Variants in CASZ1 observed in about 807,000 individuals in gnomAD.
CASZ1 encodes zinc finger protein castor homolog 1.
A neutral mutation model predicts 135.2 loss-of-function variants in CASZ1; 28 were observed. The ratio of observed to expected loss-of-function variants is 0.21; its 90% confidence interval spans 0.15 to 0.28. The LOEUF is 0.28. Ranked by LOEUF, CASZ1 falls within the 10% of genes least tolerant of loss-of-function variation. The probability of loss-of-function intolerance (pLI) is 1.00; values close to 1 mark genes in which losing one functional copy is unlikely to be tolerated. For synonymous variants in CASZ1, 1,068 were observed against 1,073.4 expected (o/e 0.99, Z 0.10); for missense variants, 2,161 against 2,453.3 (o/e 0.88, Z 2.52).
At position 10,654,532 on chromosome 1, in the gene CASZ1, G is replaced by A. The variant is rs1184731208; in HGVS notation, c.1725C>T (p.His575=). The A allele has an allele frequency of 6.2e-7, 1 of 1,614,146 alleles. No individual in the cohort carries two copies. Among genetic ancestry groups the A allele is most frequent in the African/African-American group, 1.3e-5 (1 of 74,940 alleles). ...CGTTAATGAGCTGGGTATTCTTCTT[G>A]TGGAAGTTCTCGTGGGTCATCACGT... ...TSDVMTHENF[H]KKNTQLINDG... The change falls in exon 10 of 21, where the codon CAC becomes CAT. Residue 575 remains histidine (H), a synonymous_variant. Coordinates refer to ENST00000377022, the MANE Select transcript of CASZ1 (RefSeq NM_001079843.3).
intron 1 of CASZ1, among the ~76,000 whole-genome samples, chr1:10,782,263 G>A (rs546690299): frequency 6.6e-6 from 1 of 152,332 alleles, no homozygotes; most frequent in East Asian, 1.9e-4. Flanking sequence ...GGGGCCATTG[G>A]CGAGAGGGCC....
In CASZ1 at chr1:10,717,660, GCAGGGGACA is replaced by G. The variant is rs934757957; in HGVS notation, c.-76-12125_-76-12117del. On this transcript the variant is annotated intron_variant, in intron 2 of 20. Transcript: ENST00000377022. The surrounding 1 kb of genome is among the most constrained non-coding windows in gnomAD (Gnocchi z 4.6). The stretch of plus-strand genomic sequence containing the variant: ...TGAGGACATGGATGGGGGGCAGGGG[GCAGGGGACA>G]GGGGCGGAGGTAGAAAACCCTTGCC... Among the ~76,000 whole-genome samples, 31 of 152,112 alleles carry G rather than the reference GCAGGGGACA, an allele frequency of 2.0e-4. No homozygotes were observed. Among genetic ancestry groups the G allele is most frequent in the African/African-American group, 6.8e-4 (28 of 41,408 alleles).
chr1:10,659,126 A>T (rs1642907820), intron 6 of CASZ1, among the ~76,000 whole-genome samples: 1 of 152,110 alleles, frequency 6.6e-6, no homozygotes, highest in Non-Finnish European at 1.5e-5. Context: ...TTCAGGCTGT[A>T]AGGGTGTATG....
chr1:10,683,120 C>T (rs543678), intron 4 of CASZ1, among the ~76,000 whole-genome samples: 2,755 of 152,304 alleles, frequency 0.018, 44 homozygotes, highest in East Asian at 0.04. Flanking sequence ...CAGTTACAAT[C>T]GGATCACACC....
intron 2 of CASZ1, among the ~76,000 whole-genome samples, chr1:10,744,935 C>T (rs1056685022): frequency 6.6e-6 from 1 of 152,222 alleles, no homozygotes; most frequent in East Asian, 1.9e-4. Flanking sequence ...CCCAATACCC[C>T]CTAAGACTCC....
intron 9 of CASZ1, 135 bp downstream of exon 9, chr1:10,655,514 A>G: frequency 3.5e-6 from 3 of 846,826 alleles, no homozygotes; most frequent in Non-Finnish European, 5.4e-6. Flanking sequence ...GTGCTGGGCC[A>G]GGGGAAAGAG....
chr1:10,775,223 C>T lies in CASZ1; in HGVS notation c.-233-14366G>A, dbSNP rs1416914378. On this transcript the variant is annotated intron_variant, in intron 1 of 20. Coordinates refer to ENST00000377022, the MANE Select transcript of CASZ1 (RefSeq NM_001079843.3). ...CTGCCGATAATTTTTCAGAGATAAA[C>T]AAACCGGTTTGGATAAAACAAGATC... Among the ~76,000 whole-genome samples the T allele has an allele frequency of 8.5e-5, 13 of 152,298 alleles. No individual in the cohort carries two copies. In the East Asian group the frequency reaches 2.3e-3, roughly 27 times the overall value.
chr1:10,788,272 G>A lies in CASZ1; in HGVS notation c.-234+8292C>T, dbSNP rs1396856347. Among the ~76,000 whole-genome samples the A allele has an allele frequency of 6.6e-6, 1 of 152,076 alleles. No individual in the cohort carries two copies. The highest frequency in any genetic ancestry group is 2.4e-5 in the African/African-American group (1 of 41,410). ...ACAGAGCAACCTGAGTGCTAGCCCC[G>A]ATCCACCTATGGGGTCCCCTGGGTG... On this transcript the variant is annotated intron_variant, in intron 1 of 20. Transcript: ENST00000377022. The surrounding 1 kb of genome is among the most constrained non-coding windows in gnomAD (Gnocchi z 4.1).
At chr1:10,710,322 G>A (rs1408404887) in intron 2 of CASZ1, among the ~76,000 whole-genome samples, 2 of 152,004 alleles carry the variant, frequency 1.3e-5, no homozygotes, top group African/African-American at 2.4e-5. Flanking sequence ...TGGTGAATTC[G>A]AGGCCCTGCC....
intron 2 of CASZ1, among the ~76,000 whole-genome samples, chr1:10,712,458 C>A (rs540248756): frequency 1.1e-4 from 16 of 152,260 alleles, no homozygotes; most frequent in African/African-American, 3.9e-4. Flanking sequence ...AATGATATCG[C>A]TTTTTTAAAA....
At chr1:10,687,071 T>G (rs1462341146) in intron 4 of CASZ1, among the ~76,000 whole-genome samples, 1 of 151,162 alleles carries the variant, frequency 6.6e-6, no homozygotes, top group Non-Finnish European at 1.5e-5. Context: ...CTTCCAGGAG[T>G]CTCTCCCAAC....
intron 3 of CASZ1, among the ~76,000 whole-genome samples, chr1:10,696,578 C>CA (rs1638939335): frequency 6.6e-6 from 1 of 152,244 alleles, no homozygotes; most frequent in South Asian, 2.1e-4. Flanking sequence ...GGCATCGTAA[C>CA]AAAAGGCTTG....
intron 1 of CASZ1, among the ~76,000 whole-genome samples, chr1:10,782,303 T>C (rs536475342): frequency 8.5e-5 from 13 of 152,336 alleles, no homozygotes; most frequent in African/African-American, 3.1e-4. Context: ...CTGACTACGG[T>C]ACTGGTGTGG....
At chr1:10,686,416 T>G (rs973322375) in intron 4 of CASZ1, among the ~76,000 whole-genome samples, 1 of 152,148 alleles carries the variant, frequency 6.6e-6, no homozygotes, top group African/African-American at 2.4e-5. Context: ...CTGGGGGGGC[T>G]TGTATCACGC....
At position 10,660,423 on chromosome 1, in the gene CASZ1, C is replaced by G. The variant is rs781489758; in HGVS notation, c.619G>C (p.Glu207Gln). ...RDELARKISFEKLHAGSTPEA... is the reference protein window; with the variant it reads ...RDELARKISFQKLHAGSTPEA... The stretch of plus-strand genomic sequence containing the variant: ...GGGGTGGAGCCCGCGTGCAGCTTCT[C>G]AAAGCTGATCTTCCTGGCCAGCTCG... Residue 207 changes from glutamate (E) to glutamine (Q), a missense_variant, in exon 6 of 21, where the codon GAG (glutamate) becomes CAG (glutamine). Around this residue, in one of 7 missense-constraint regions of CASZ1, gnomAD observed 590 missense variants for 609.8 expected, o/e 0.97. Transcript: ENST00000377022. 1.2e-6 allele frequency: 2 copies of G among 1,614,172 alleles called. No individual in the cohort carries two copies. The highest frequency in any genetic ancestry group is 1.7e-6 in the Non-Finnish European group (2 of 1,180,012).
intron 8 of CASZ1, 148 bp from the exon 9 acceptor site, chr1:10,655,961 G>C: frequency 1.4e-6 from 1 of 719,550 alleles, no homozygotes. Context: ...GATTGTCCAA[G>C]GCCAGTGGCA....
chr1:10,653,703 G>A lies in CASZ1; in HGVS notation c.2354C>T (p.Pro785Leu). ...CGAGTTGGAGAGGGCCAGGGCCAGG[G>A]GGATTGAGCCAGGCAGGCCCTGGGG... ...LLPQGLPGSI[P>L]LALALSNSGL... Residue 785 changes from proline (P) to leucine (L), a missense_variant, in exon 11 of 21, where the codon CCC becomes CTC. Coordinates refer to ENST00000377022, the MANE Select transcript of CASZ1 (RefSeq NM_001079843.3). 1 of 1,590,922 alleles carries A rather than the reference G, an allele frequency of 6.3e-7. No individual in the cohort carries two copies. The highest frequency in any genetic ancestry group is 8.6e-7 in the Non-Finnish European group (1 of 1,168,214).
rs564397118 is a variant in CASZ1 at position 10,777,322 on chromosome 1, G to A, written c.-233-16465C>T. On this transcript the variant is annotated intron_variant, in intron 1 of 20. Coordinates refer to ENST00000377022, the MANE Select transcript of CASZ1 (RefSeq NM_001079843.3). The surrounding 1 kb of genome is among the most constrained non-coding windows in gnomAD (Gnocchi z 4.4). ...ATGAGGACCACGGAGAGGGGCGTCC[G>A]AGTCCTGGGCCAGGCCACCTCTGAC... 5.3e-5 allele frequency among the ~76,000 whole-genome samples: 8 copies of A among 152,254 alleles called. No homozygotes were observed. The South Asian group carries it at 1.0e-3, about 20-fold the overall frequency.
At chr1:10,660,578 G>A (rs1162586425) in intron 5 of CASZ1, 42 bp from the exon 6 acceptor site, 3 of 1,554,890 alleles carry the variant, frequency 1.9e-6, no homozygotes, top group Admixed American at 3.7e-5. Context: ...GGGAGGGAGT[G>A]GGAGGGACAG....
Sources: allele counts gnomAD v4.1 joint callset (sites outside exome capture counted in the v4.1 genomes callset), GRCh38; gene constraint gnomAD v4.1.1; regional missense constraint gnomAD v4.1.1; non-coding constraint Gnocchi (gnomAD v3.1); transcripts MANE v1.5; gene names NCBI Gene and HGNC (gene_info 2026-07-23, HGNC 2026-07-21).